Variants in MAN2A1 observed in about 807,000 individuals in gnomAD.
The protein encoded by MAN2A1 is mannosidase alpha class 2A member 1.
Under a neutral mutation model 142.6 loss-of-function variants are expected in MAN2A1, and 76 were observed. The observed-to-expected ratio is 0.53, with a 90% CI of 0.44 to 0.65. The LOEUF (loss-of-function observed/expected upper bound fraction) is 0.65. Ranked by LOEUF, MAN2A1 falls within the 30% of genes least tolerant of loss-of-function variation. MAN2A1 has a pLI of 0.00. For missense variants in MAN2A1, 1,311 were observed against 1,365.1 expected, an observed-to-expected ratio of 0.96 and a Z score of 0.62; for synonymous variants, 559 against 473.2, an observed-to-expected ratio of 1.18 and a Z score of -2.35.
rs182005933 is a variant in MAN2A1, at chr5:109,741,170, A to G, written c.707+11657A>G. 2.8e-4 allele frequency among the ~76,000 whole-genome samples: 42 copies of G among 152,246 alleles called. No individual in the cohort carries two copies. The East Asian group carries it at 8.1e-3, about 29-fold the overall frequency. ...ATTCTGGAATACAGGCTTGATCGTG[A>G]ACAGTATCATTTTGCTTGAAGGAAA... On this transcript the variant is annotated intron_variant, in intron 4 of 21. Coordinates refer to ENST00000261483, the MANE Select transcript of MAN2A1 (RefSeq NM_002372.4).
intron 12 of MAN2A1, among the ~76,000 whole-genome samples, chr5:109,799,846 G>T (rs2112694664): frequency 6.6e-6 from 1 of 152,040 alleles, no homozygotes. Context: ...CCAGCACTTT[G>T]GGAGGCCGAG....
At chr5:109,690,756 G>T (rs527485752) in intron 1 of MAN2A1, among the ~76,000 whole-genome samples, 1 of 152,272 alleles carries the variant, frequency 6.6e-6, no homozygotes, top group African/African-American at 2.4e-5. Context: ...AGTGCTGGGC[G>T]GCGTGCGGCG....
chr5:109,749,090 G>A (rs571319851), intron 4 of MAN2A1, among the ~76,000 whole-genome samples: 159 of 152,134 alleles, frequency 1.0e-3, no homozygotes, highest in Middle Eastern at 6.8e-3. Flanking sequence ...TGTTTCTCCA[G>A]ATGTGTCATT....
At chr5:109,718,897 G>A (rs1751527123) in intron 3 of MAN2A1, among the ~76,000 whole-genome samples, 1 of 148,170 alleles carries the variant, frequency 6.7e-6, no homozygotes, top group Non-Finnish European at 1.5e-5. Flanking sequence ...TTCAAACTAG[G>A]ATGAAACATT....
intron 1 of MAN2A1, among the ~76,000 whole-genome samples, chr5:109,706,826 T>C (rs1582807538): frequency 6.6e-6 from 1 of 152,346 alleles, no homozygotes; most frequent in East Asian, 1.9e-4. Flanking sequence ...GGTAAAGTTT[T>C]GTTTCTTTTG....
chr5:109,723,053 A>C (rs1371410190), intron 3 of MAN2A1, among the ~76,000 whole-genome samples: 6 of 152,168 alleles, frequency 3.9e-5, no homozygotes, highest in Non-Finnish European at 8.8e-5. Flanking sequence ...AAAAGTATGC[A>C]GGTCTTCTAA....
chr5:109,849,467 A>G lies in MAN2A1; in HGVS notation c.2976+1677A>G, dbSNP rs1005339568. 1.8e-4 allele frequency among the ~76,000 whole-genome samples: 27 copies of G among 151,916 alleles called. No homozygotes were observed. The East Asian group carries it at 2.5e-3, about 14-fold the overall frequency. On this transcript the variant is annotated intron_variant, in intron 19 of 21. Coordinates refer to ENST00000261483, the MANE Select transcript of MAN2A1 (RefSeq NM_002372.4). Reference sequence around the variant, plus strand: ...GTCAACAGCCACCGCCATCCATACAACTCCAAGACAGACATGAGTTCTGCC... The same window carrying G: ...GTCAACAGCCACCGCCATCCATACAGCTCCAAGACAGACATGAGTTCTGCC...
rs933269987 is a variant in MAN2A1 at position 109,690,217 on chromosome 5, CAGGCCAGGGCGA to C, written c.-194_-183del. 205 of 557,362 alleles carry C rather than the reference CAGGCCAGGGCGA, an allele frequency of 3.7e-4. 3 individuals are homozygous for C. The highest frequency in any genetic ancestry group is 1.7e-3 in the South Asian group (78 of 45,502). 34.5% of individuals were successfully genotyped at this position (557,362 alleles called of 1,614,324 possible). On this transcript the variant is annotated 5_prime_UTR_variant, in exon 1 of 22. Coordinates refer to ENST00000261483, the MANE Select transcript of MAN2A1 (RefSeq NM_002372.4). ...GGGCGCCCGACCCCGGGGAGGGCGG[CAGGCCAGGGCGA>C]AGGCCAAGGGCGTGTGGTGGCGCCG...
In MAN2A1 at chr5:109,702,247, C is replaced by A. The variant is rs76005934; in HGVS notation, c.136-11273C>A. Among the ~76,000 whole-genome samples, 180 of 152,096 alleles carry A rather than the reference C, an allele frequency of 1.2e-3. 1 individual carries two copies. In the East Asian group the frequency reaches 0.031, roughly 26 times the overall value. On this transcript the variant is annotated intron_variant, in intron 1 of 21. Coordinates refer to ENST00000261483, the MANE Select transcript of MAN2A1 (RefSeq NM_002372.4). ...GCGTTTTAGTAGAGTTTAAAAAAGA[C>A]CCTTCTCATCTTTGGCACAAATGAT...
chr5:109,781,748 A>G (rs575685968), intron 9 of MAN2A1, 150 bp downstream of exon 9: 23 of 438,558 alleles, frequency 5.2e-5, no homozygotes, highest in African/African-American at 1.8e-4. Context: ...TGAAATTTTA[A>G]TGCAATCAGA....
rs563606570 is a variant in MAN2A1 at position 109,859,875 on chromosome 5, C to CT, written c.3171+4557dup. Among the ~76,000 whole-genome samples the CT allele has an allele frequency of 7.9e-3, 1,011 of 127,502 alleles. 15 individuals carry two copies. Among genetic ancestry groups the CT allele is most frequent in the Admixed American group, 0.026 (326 of 12,776 alleles). 83.6% of individuals were successfully genotyped at this position (127,502 alleles called of 152,430 possible). A position where few individuals can be genotyped will look rare whatever the true frequency, so the allele number is the denominator to read the frequency against. On this transcript the variant is annotated intron_variant, in intron 20 of 21. Transcript: ENST00000261483. ...TTTAGAAATGTGATATGTAGTTCAG[C>CT]TTTTTTTTTTTTTTTTAGATTATTT...
At chr5:109,768,684 G>A (rs963187195) in intron 6 of MAN2A1, among the ~76,000 whole-genome samples, 5 of 152,072 alleles carry the variant, frequency 3.3e-5, no homozygotes, top group African/African-American at 4.8e-5. Context: ...AATTTAGACC[G>A]TAACTTTCTT....
intron 1 of MAN2A1, among the ~76,000 whole-genome samples, chr5:109,691,961 A>T (rs1001076987): frequency 2.0e-5 from 3 of 152,204 alleles, no homozygotes; most frequent in African/African-American, 7.2e-5. Flanking sequence ...AAATTACTGT[A>T]ATTTTTTTCC....
intron 17 of MAN2A1, among the ~76,000 whole-genome samples, chr5:109,844,713 T>G (rs975203926): frequency 1.3e-5 from 2 of 152,214 alleles, no homozygotes; most frequent in Non-Finnish European, 2.9e-5. Flanking sequence ...TTGGCATTCC[T>G]TGGTTTGTGT....
chr5:109,723,229 ATC>A (rs1751654122), intron 3 of MAN2A1, among the ~76,000 whole-genome samples: 1 of 152,198 alleles, frequency 6.6e-6, no homozygotes, highest in African/African-American at 2.4e-5. Flanking sequence ...TCAAAAAATG[ATC>A]TCTCTCAAAT....
intron 3 of MAN2A1, among the ~76,000 whole-genome samples, chr5:109,725,529 T>C (rs1488052636): frequency 6.6e-6 from 1 of 152,160 alleles, no homozygotes; most frequent in Non-Finnish European, 1.5e-5. Context: ...TCTGGGGCTG[T>C]TTAGACAGAT....
At chr5:109,732,888 A>C (rs1751959493) in intron 4 of MAN2A1, among the ~76,000 whole-genome samples, 1 of 151,690 alleles carries the variant, frequency 6.6e-6, no homozygotes, top group African/African-American at 2.4e-5. Flanking sequence ...AGTTTTTTCC[A>C]ATTCTGTGAA....
At chr5:109,823,478 G>A (rs976483686) in intron 15 of MAN2A1, among the ~76,000 whole-genome samples, 1 of 152,124 alleles carries the variant, frequency 6.6e-6, no homozygotes, top group Non-Finnish European at 1.5e-5. Context: ...ATAGCTGGGA[G>A]GAATGCTTTC....
chr5:109,700,378 A>G (rs1750943698), intron 1 of MAN2A1, among the ~76,000 whole-genome samples: 1 of 151,708 alleles, frequency 6.6e-6, no homozygotes, highest in Non-Finnish European at 1.5e-5. Context: ...TGTGATGAGA[A>G]GCCTTTCCCT....
Sources: gnomAD v4.1 joint callset for allele counts (sites outside exome capture counted in the v4.1 genomes callset) on GRCh38, gnomAD v4.1.1 for gene constraint, MANE v1.5 for transcripts, NCBI Gene and HGNC (gene_info 2026-07-23, HGNC 2026-07-21) for gene names.